Variants in DBN1 observed in about 807,000 individuals in gnomAD.
The protein encoded by DBN1 is drebrin 1.
In DBN1, 21 loss-of-function variants were observed where a neutral mutation model predicts 83.5. The ratio of observed to expected loss-of-function variants is 0.25; its 90% CI spans 0.18 to 0.36. The LOEUF is 0.36. Ranked by LOEUF, DBN1 falls within the 10% of genes least tolerant of loss-of-function variation. The pLI is 1.00. For missense variants in DBN1, 874 were observed against 935.7 expected, an observed-to-expected ratio of 0.93 and a Z score of 0.86; for synonymous variants, 381 against 384.9, an observed-to-expected ratio of 0.99 and a Z score of 0.12.
rs1040658261 is a variant in DBN1, at chr5:177,467,953, T to C, written c.256-136A>G. On this transcript the variant is annotated intron_variant, in intron 3 of 14. Coordinates refer to ENST00000393565, the MANE Select transcript of DBN1 (RefSeq NM_001363541.2). This position sits in a 1 kb window ranked among gnomAD's most constrained non-coding sequence, Gnocchi z 9.1. The stretch of plus-strand genomic sequence containing the variant: ...TCAGAGGGCCGACGGGGAGGGCGAC[T>C]GCTCTGGGCCTTCAGTTCCCTTCCC... 3 of 1,351,786 alleles carry C rather than the reference T, an allele frequency of 2.2e-6. No homozygotes were observed. The African/African-American group carries it at 4.3e-5, about 19-fold the overall frequency. The allele number at this position is 1,351,786 out of a possible 1,614,324, so 83.7% of individuals were successfully genotyped here. A position where few individuals can be genotyped will look rare whatever the true frequency, so the allele number is the denominator to read the frequency against.
At chr5:177,459,826 C>G (rs889282047) in intron 10 of DBN1, 86 bp from the exon 11 acceptor site, 161 of 1,359,446 alleles carry the variant, frequency 1.2e-4, no homozygotes, top group Middle Eastern at 2.2e-4. Context: ...CTCCCGCCCC[C>G]AGGGCCTGGC....
Position 177,467,647 on chromosome 5 carries a change from G to C in DBN1, c.331-20C>G, listed in dbSNP as rs1395447714. 1 of 1,566,900 alleles carries C rather than the reference G, an allele frequency of 6.4e-7. No individual in the cohort carries two copies. Among genetic ancestry groups the C allele is most frequent in the African/African-American group, 1.4e-5 (1 of 73,898 alleles). On this transcript the variant is annotated intron_variant, in intron 4 of 14. Transcript: ENST00000393565. This position sits in a 1 kb window ranked among gnomAD's most constrained non-coding sequence, Gnocchi z 9.1. ...GACACCCTTCCGCAAGAAGACGGCA[G>C]TGCTCAGGCGGCACCATCCTCCCGC...
intron 8 of DBN1, 108 bp from the exon 9 acceptor site, chr5:177,460,811 G>A (rs762316045): frequency 2.0e-5 from 23 of 1,136,572 alleles, no homozygotes; most frequent in South Asian, 4.3e-5. Flanking sequence ...ACAGGTTCTC[G>A]CCCTACCACC....
At chr5:177,464,885 T>G (rs1036485288) in intron 8 of DBN1, among the ~76,000 whole-genome samples, 1 of 151,666 alleles carries the variant, frequency 6.6e-6, no homozygotes, top group Non-Finnish European at 1.5e-5. Flanking sequence ...CCGGGTGCAG[T>G]GGCTCACGCC....
At position 177,458,578 on chromosome 5, in the gene DBN1, T is replaced by C. The variant is rs1164107574; in HGVS notation, c.1394A>G (p.Glu465Gly). Residue 465 changes from glutamate (E) to glycine (G), a missense_variant, in exon 13 of 15, where the codon GAG becomes GGG. By Grantham distance (98) the Glu-to-Gly change is moderately conservative. Around this residue, in one of 4 missense-constraint regions of DBN1, gnomAD observed 725 missense variants for 719.7 expected, o/e 1.01. Transcript: ENST00000393565. ...APPRGPGSPAEDLMFMESAEQ... is the reference protein window; with the variant it reads ...APPRGPGSPAGDLMFMESAEQ... ...TGCAGACTCCATGAACATCAAGTCC[T>C]CTGCAGGGCTGCCTGGCCCCCGGGG... The C allele has an allele frequency of 6.2e-7, 1 of 1,613,898 alleles. No homozygotes were observed.
chr5:177,458,468 C>G lies in DBN1; in HGVS notation c.1504G>C (p.Asp502His), dbSNP rs1561676822. Reference protein sequence around the residue: ...IHDAADTIETDTATADTTVAN... With the variant: ...IHDAADTIETHTATADTTVAN... ...ACAGTGGTGTCAGCAGTGGCAGTGT[C>G]AGTTTCAATGGTGTCAGCTGCATCG... Residue 502 changes from aspartate (D) to histidine (H), a missense_variant, in exon 13 of 15, where the codon GAC (aspartate) becomes CAC (histidine). Physicochemically the swap from Asp to His is moderately conservative, Grantham distance 81. This residue lies in a region of DBN1 where 725 missense variants were observed against 719.7 expected (regional missense o/e 1.01). Transcript: ENST00000393565. 1.9e-6 allele frequency: 3 copies of G among 1,613,660 alleles called. No homozygotes were observed. The highest frequency in any genetic ancestry group is 2.5e-6 in the Non-Finnish European group (3 of 1,179,650).
In DBN1 at chr5:177,460,448, G is replaced by A; in HGVS notation, c.939C>T (p.Pro313=). The A allele has an allele frequency of 6.2e-7, 1 of 1,613,998 alleles. No homozygotes were observed. Among genetic ancestry groups the A allele is most frequent in the East Asian group, 2.2e-5 (1 of 44,892 alleles). ...TAGGACTACCTGGTCGATGGTTGAA[G>A]GGCGAGGGTACATCACAGCTGCCCG... ...ASAGSCDVPS[P]FNHRPGRPYC... The change falls in exon 10 of 15, where the codon CCC becomes CCT. Residue 313 remains proline (P), a synonymous_variant. Transcript: ENST00000393565.
chr5:177,472,367 A>AG, intron 1 of DBN1: 2 of 1,477,848 alleles, frequency 1.4e-6, no homozygotes, highest in South Asian at 2.8e-5. Flanking sequence ...CAGCAGGGAG[A>AG]GGAGGCCTAG....
intron 10 of DBN1, 128 bp downstream of exon 10, chr5:177,460,304 G>C (rs1162651912): frequency 1.4e-6 from 2 of 1,388,100 alleles, no homozygotes; most frequent in African/African-American, 2.8e-5. Flanking sequence ...GCGGATGCAC[G>C]CTGGATGAAG....
chr5:177,472,130 G>C, intron 1 of DBN1: 1 of 1,611,076 alleles, frequency 6.2e-7, no homozygotes, highest in Non-Finnish European at 8.5e-7. Flanking sequence ...TGCAGGACAC[G>C]AGAGCTTGTC....
chr5:177,468,614 T>C (rs896792654), intron 2 of DBN1: 9 of 427,928 alleles, frequency 2.1e-5, no homozygotes, highest in African/African-American at 8.0e-5. Context: ...GATAAGTCAC[T>C]TTCCCTGTTG....
intron 1 of DBN1, among the ~76,000 whole-genome samples, chr5:177,469,564 GC>G (rs1014152589): frequency 1.3e-5 from 2 of 152,198 alleles, no homozygotes; most frequent in African/African-American, 4.8e-5. Context: ...TGAGCTCCAG[GC>G]CTTCCAGCCC....
chr5:177,467,758 C>T lies in DBN1; in HGVS notation c.315G>A (p.Val105=), dbSNP rs150328524. Residue 105 remains valine, a synonymous_variant, in exon 4 of 15, where the codon GTG becomes GTA. Coordinates refer to ENST00000393565, the MANE Select transcript of DBN1 (RefSeq NM_001363541.2). This position sits in a 1 kb window ranked among gnomAD's most constrained non-coding sequence, Gnocchi z 9.1. ...KCACASHVAK[V]AEFFQGVDVI... Reference sequence around the variant, plus strand: ...TGACACGCACCTGGAAGAACTCCGCCACCTTAGCCACGTGGCTGGCACAAG... The same window carrying T: ...TGACACGCACCTGGAAGAACTCCGCTACCTTAGCCACGTGGCTGGCACAAG... 1.8e-4 allele frequency: 285 copies of T among 1,554,238 alleles called. No homozygotes were observed. The highest frequency in any genetic ancestry group is 1.4e-3 in the African/African-American group (104 of 73,240).
chr5:177,465,523 A>C (rs1757383900), intron 8 of DBN1, among the ~76,000 whole-genome samples: 1 of 152,234 alleles, frequency 6.6e-6, no homozygotes, highest in South Asian at 2.1e-4. Context: ...GCAGATTTTA[A>C]AATGACTGAA....
At position 177,458,436 on chromosome 5, in the gene DBN1, G is replaced by A; in HGVS notation, c.1536C>T (p.Asn512=). The A allele has an allele frequency of 6.2e-7, 1 of 1,614,228 alleles. No individual in the cohort carries two copies. Among genetic ancestry groups the A allele is most frequent in the Non-Finnish European group, 8.5e-7 (1 of 1,180,032 alleles). The change falls in exon 13 of 15, where the codon AAC becomes AAT. Residue 512 remains asparagine (N), a synonymous_variant. Coordinates refer to ENST00000393565, the MANE Select transcript of DBN1 (RefSeq NM_001363541.2). ...GGCTGGTGGCGGCGGGGGGTACGTTGTTGGCAACAGTGGTGTCAGCAGTGG... is the reference window on the plus strand; with the variant it reads ...GGCTGGTGGCGGCGGGGGGTACGTTATTGGCAACAGTGGTGTCAGCAGTGG... ...DTATADTTVA[N]NVPPAATSLI... is the part of the protein sequence containing the mutation.
Position 177,459,745 on chromosome 5 carries a change from CGA to C in DBN1, c.956-7_956-6del, listed in dbSNP as rs748072189. On this transcript the variant is annotated splice_polypyrimidine_tract_variant and splice_region_variant and intron_variant, in intron 10 of 14. Coordinates refer to ENST00000393565, the MANE Select transcript of DBN1 (RefSeq NM_001363541.2). ...TGAAAGGGCAGTACGGACGACCTGC[CGA>C]GAGAGACAGACAGAGAAAGAGACAG... 4.0e-6 allele frequency: 6 copies of C among 1,492,512 alleles called. No individual in the cohort carries two copies. The African/African-American group carries it at 8.5e-5, about 21-fold the overall frequency. The allele number at this position is 1,492,512 out of a possible 1,614,324, so 92.5% of individuals were successfully genotyped here. A position where few individuals can be genotyped will look rare whatever the true frequency, so the allele number is the denominator to read the frequency against.
intron 1 of DBN1, among the ~76,000 whole-genome samples, chr5:177,471,129 G>C (rs1025362245): frequency 1.3e-5 from 2 of 152,166 alleles, no homozygotes; most frequent in African/African-American, 2.4e-5. Context: ...CAGTTCCAGA[G>C]ACCCTGGGGT....
chr5:177,473,297 C>T, intron 1 of DBN1, 139 bp downstream of exon 1: 1 of 423,142 alleles, frequency 2.4e-6, no homozygotes, highest in Non-Finnish European at 3.9e-6. Context: ...AAAGGCAGCC[C>T]CTCCCGGCCC....
At chr5:177,468,272 A>T (rs766168666) in intron 2 of DBN1, 52 bp from the exon 3 acceptor site, 1 of 1,526,876 alleles carries the variant, frequency 6.5e-7, no homozygotes, top group South Asian at 1.1e-5. Context: ...ACCCTTCCCA[A>T]AAAGAGCCTG....
Sources: gnomAD v4.1 joint callset for allele counts (sites outside exome capture counted in the v4.1 genomes callset) on GRCh38, gnomAD v4.1.1 for gene constraint, gnomAD v4.1.1 regional missense constraint, Gnocchi (gnomAD v3.1) non-coding constraint, MANE v1.5 for transcripts, NCBI Gene and HGNC (gene_info 2026-07-23, HGNC 2026-07-21) for gene names.